DIAPH2: variants seen among roughly 807,000 people sequenced by gnomAD.
DIAPH2 encodes the protein diaphanous related formin 2, also known as protein diaphanous homolog 2.
In DIAPH2, 35 loss-of-function variants were observed where a neutral mutation model predicts 92.7. The observed-to-expected ratio is 0.38, with a 90% CI of 0.29 to 0.50. The LOEUF is 0.50. Ranked by LOEUF, DIAPH2 falls within the 20% of genes least tolerant of loss-of-function variation. DIAPH2 has a pLI of 0.94. For missense variants in DIAPH2, 701 were observed against 819.5 expected (o/e 0.86, Z 1.77); for synonymous variants, 301 against 280.4 (o/e 1.07, Z -0.73).
At chrX:97,144,871 TCTC>T (rs1431294332) in intron 22 of DIAPH2, among the ~76,000 whole-genome samples, 1 of 111,662 alleles carries the variant, frequency 9.0e-6, no homozygotes, top group Non-Finnish European at 1.9e-5. Context: ...CTCAAGCAAT[TCTC>T]CTACCTCAGC....
At chrX:96,719,343 G>A (rs938408437) in intron 1 of DIAPH2, among the ~76,000 whole-genome samples, 3 of 111,960 alleles carry the variant, frequency 2.7e-5, no homozygotes, top group African/African-American at 9.7e-5. Context: ...GGAATATTAT[G>A]CAAGTAATCT....
intron 22 of DIAPH2, among the ~76,000 whole-genome samples, chrX:97,182,583 G>T (rs759005903): frequency 5.4e-5 from 6 of 111,465 alleles, no homozygotes; most frequent in Non-Finnish European, 1.1e-4. Context: ...CATGAAAGAA[G>T]AACCTAAACC....
intron 4 of DIAPH2, among the ~76,000 whole-genome samples, chrX:96,767,039 A>G (rs1300576405): frequency 1.8e-5 from 2 of 111,620 alleles, no homozygotes; most frequent in East Asian, 5.6e-4. Flanking sequence ...CAGCTCTTCC[A>G]TGAAGCCTGT....
intron 9 of DIAPH2, among the ~76,000 whole-genome samples, chrX:96,922,581 A>G (rs2065553180): frequency 9.0e-6 from 1 of 111,685 alleles, no homozygotes; most frequent in Admixed American, 9.5e-5. Context: ...AAATGAGTCC[A>G]ATTCTAATAC....
At chrX:97,153,942 A>C (rs778550597) in intron 22 of DIAPH2, among the ~76,000 whole-genome samples, 301 of 23,477 alleles carry the variant, frequency 0.013, no homozygotes, top group African/African-American at 0.014. Context: ...TTGATAGTAA[A>C]AGTTTAGGGG....
At chrX:97,090,072 G>C (rs903896413) in intron 19 of DIAPH2, among the ~76,000 whole-genome samples, 1 of 111,918 alleles carries the variant, frequency 8.9e-6, no homozygotes, top group Non-Finnish European at 1.9e-5. Flanking sequence ...ACTGTTATTT[G>C]CTTTATATCT....
intron 23 of DIAPH2, among the ~76,000 whole-genome samples, chrX:97,293,509 C>T (rs965724142): frequency 5.4e-5 from 6 of 110,926 alleles, no homozygotes; most frequent in African/African-American, 1.6e-4. Context: ...CCTTGGCCTC[C>T]CAAAGTGTTG....
At chrX:97,508,370 T>C (rs2070852506) in intron 26 of DIAPH2, among the ~76,000 whole-genome samples, 1 of 112,090 alleles carries the variant, frequency 8.9e-6, no homozygotes, top group East Asian at 2.8e-4. Context: ...TAAAATGCAG[T>C]AATGGAGAAT....
In DIAPH2 at chrX:97,458,960, G is replaced by A. The variant is rs148125075; in HGVS notation, c.3241+29215G>A. Among the ~76,000 whole-genome samples, 892 of 111,400 alleles carry A rather than the reference G, an allele frequency of 8.0e-3. 13 individuals carry two copies. Among genetic ancestry groups the A allele is most frequent in the African/African-American group, 0.027 (842 of 30,684 alleles). On this transcript the variant is annotated intron_variant, in intron 26 of 26. Transcript: ENST00000324765. Reference sequence around the variant, plus strand: ...TGCTGGTCATGGGGATCTTGAAAACGCTTCCTATGTGATTCTAATTTGGTC... The same window carrying A: ...TGCTGGTCATGGGGATCTTGAAAACACTTCCTATGTGATTCTAATTTGGTC...
chrX:96,731,569 A>G (rs1387236601), intron 1 of DIAPH2, among the ~76,000 whole-genome samples: 2 of 111,633 alleles, frequency 1.8e-5, no homozygotes, highest in African/African-American at 3.3e-5. Flanking sequence ...GAATCTTTAC[A>G]TCTTGCTCTT....
At chrX:97,112,765 C>CTTTTTTTTTTTTTTTTTTTTTTTTT (rs60721723) in intron 20 of DIAPH2, among the ~76,000 whole-genome samples, 1 of 37,245 alleles carries the variant, frequency 2.7e-5, no homozygotes, top group African/African-American at 1.2e-4. Context: ...CCCTTTCTTT[C>CTTTTTTTTTTTTTTTTTTTTTTTTT]TTTTTTTTTT....
At chrX:96,748,473 G>T (rs2064164268) in intron 3 of DIAPH2, among the ~76,000 whole-genome samples, 1 of 112,038 alleles carries the variant, frequency 8.9e-6, no homozygotes, top group African/African-American at 3.2e-5. Context: ...GTGAAACCCA[G>T]TGTTACTTCT....
At chrX:97,470,062 C>A (rs962308018) in intron 26 of DIAPH2, among the ~76,000 whole-genome samples, 2 of 111,461 alleles carry the variant, frequency 1.8e-5, no homozygotes, top group Admixed American at 9.6e-5. Flanking sequence ...AAGTGGGATA[C>A]AAAAGCAGTC....
intron 25 of DIAPH2, among the ~76,000 whole-genome samples, chrX:97,419,836 C>T (rs1220298246): frequency 1.8e-5 from 2 of 112,116 alleles, no homozygotes; most frequent in South Asian, 7.4e-4. Flanking sequence ...TACTTTGGTA[C>T]ATCATTTTGA....
intron 17 of DIAPH2, among the ~76,000 whole-genome samples, chrX:96,975,897 C>T (rs764182729): frequency 9.0e-6 from 1 of 111,360 alleles, no homozygotes; most frequent in Non-Finnish European, 1.9e-5. Flanking sequence ...GATACCATCA[C>T]CTTGTGTGTA....
chrX:97,519,260 A>ATT (rs915024740), intron 26 of DIAPH2, among the ~76,000 whole-genome samples: 1 of 111,629 alleles, frequency 9.0e-6, no homozygotes, highest in Admixed American at 9.5e-5. Flanking sequence ...AATGAAGGTG[A>ATT]TTTTTTTCCC....
At chrX:97,178,145 A>G (rs1339475250) in intron 22 of DIAPH2, among the ~76,000 whole-genome samples, 2 of 110,516 alleles carry the variant, frequency 1.8e-5, no homozygotes, top group African/African-American at 6.6e-5. Flanking sequence ...ATGCTGATGC[A>G]GGAGGATCTC....
chrX:97,161,045 T>C (rs1387362845), intron 22 of DIAPH2, among the ~76,000 whole-genome samples: 1 of 89,627 alleles, frequency 1.1e-5, no homozygotes, highest in Non-Finnish European at 2.3e-5. Context: ...TGTTTTTTGT[T>C]TTTTTGTTTT....
rs775929358 is a variant in DIAPH2, at chrX:96,735,836, TTTTAA to T, written c.165+49_165+53del. On this transcript the variant is annotated intron_variant, in intron 2 of 26. Transcript: ENST00000324765. ...TATTACATTACTTATGCATGTTGCC[TTTTAA>T]TTAAAATGGGTGGACATAAAAGCAT... is the stretch of plus-strand genomic sequence containing the variant. The T allele has an allele frequency of 1.5e-5, 11 of 736,887 alleles. No individual in the cohort carries two copies. The African/African-American group carries it at 2.2e-4, about 15-fold the overall frequency. The allele number at this position is 736,887 out of a possible 1,213,427, so 60.7% of individuals were successfully genotyped here. A position where few individuals can be genotyped will look rare whatever the true frequency, so the allele number is the denominator to read the frequency against.
Sources: allele counts gnomAD v4.1 joint callset (sites outside exome capture counted in the v4.1 genomes callset), GRCh38; gene constraint gnomAD v4.1.1; transcripts MANE v1.5; gene names NCBI Gene and HGNC (gene_info 2026-07-23, HGNC 2026-07-21).